Variants in VAV3 observed in about 807,000 individuals in gnomAD.
VAV3 encodes the protein guanine nucleotide exchange factor VAV3.
Under a neutral mutation model 131.2 loss-of-function variants are expected in VAV3, and 94 were observed. The observed-to-expected ratio is 0.72, with a 90% CI of 0.61 to 0.85. The LOEUF (loss-of-function observed/expected upper bound fraction) is 0.85, where lower values mean the gene tolerates loss of function less well. VAV3 is among the 40% of genes least tolerant of loss of function. VAV3 has a pLI of 0.00. For missense variants in VAV3, 939 were observed against 1,002.7 expected, an observed-to-expected ratio of 0.94 and a Z score of 0.86; for synonymous variants, 349 against 342.0, an observed-to-expected ratio of 1.02 and a Z score of -0.22.
chr1:107,625,211 C>T (rs4244131), intron 20 of VAV3, among the ~76,000 whole-genome samples: 1 of 151,554 alleles, frequency 6.6e-6, no homozygotes, highest in African/African-American at 2.4e-5. Context: ...AACATTTGAT[C>T]CACAAATTCT....
chr1:107,919,841 A>G (rs1246186273), intron 1 of VAV3, among the ~76,000 whole-genome samples: 1 of 152,116 alleles, frequency 6.6e-6, no homozygotes, highest in Non-Finnish European at 1.5e-5. Flanking sequence ...TTAATTAAAG[A>G]AAAGAATCAA....
intron 1 of VAV3, 167 bp downstream of exon 1, chr1:107,964,499 G>A (rs778355141): frequency 1.5e-6 from 1 of 680,438 alleles, no homozygotes; most frequent in African/African-American, 1.8e-5. Flanking sequence ...ACCATTTCAA[G>A]CCAAGGTAGG....
chr1:107,904,812 T>G (rs1672025125), intron 1 of VAV3, among the ~76,000 whole-genome samples: 1 of 151,674 alleles, frequency 6.6e-6, no homozygotes, highest in East Asian at 1.9e-4. Context: ...AGGCACACAA[T>G]AATGAACTTA....
At chr1:107,892,050 A>G (rs142404663) in intron 1 of VAV3, among the ~76,000 whole-genome samples, 89 of 152,274 alleles carry the variant, frequency 5.8e-4, no homozygotes, top group African/African-American at 1.9e-3. Flanking sequence ...ATAAGCTTTC[A>G]CTAAATATTA....
At chr1:107,924,046 A>G (rs776030039) in intron 1 of VAV3, among the ~76,000 whole-genome samples, 1 of 152,170 alleles carries the variant, frequency 6.6e-6, no homozygotes. Context: ...CAACCAAAAC[A>G]GTACTGTTTT....
chr1:107,631,146 A>C (rs1360179882), intron 20 of VAV3, among the ~76,000 whole-genome samples: 1 of 152,146 alleles, frequency 6.6e-6, no homozygotes, highest in East Asian at 1.9e-4. Flanking sequence ...AAAGTATTGT[A>C]ACACCTATTT....
intron 12 of VAV3, among the ~76,000 whole-genome samples, chr1:107,753,527 C>CATATATAT (rs752202122): frequency 6.3e-5 from 6 of 94,752 alleles, no homozygotes; most frequent in South Asian, 3.0e-4. Context: ...TATATATATA[C>CATATATAT]GTATATATAT....
chr1:107,757,454 G>T, intron 10 of VAV3, 125 bp from the exon 11 acceptor site: 1 of 814,474 alleles, frequency 1.2e-6, no homozygotes, highest in Non-Finnish European at 1.8e-6. Flanking sequence ...AATCTAATAT[G>T]TCTGGGCTCC....
At chr1:107,784,390 T>C (rs959568741) in intron 2 of VAV3, among the ~76,000 whole-genome samples, 5 of 152,220 alleles carry the variant, frequency 3.3e-5, no homozygotes, top group African/African-American at 9.6e-5. Context: ...AGCCATTCTC[T>C]TGTCAATGAG....
intron 24 of VAV3, among the ~76,000 whole-genome samples, chr1:107,597,926 C>T (rs1395022122): frequency 1.3e-5 from 2 of 152,136 alleles, no homozygotes; most frequent in Non-Finnish European, 2.9e-5. Context: ...ATGAAATGGG[C>T]CTTATTCCCA....
chr1:107,704,153 T>C (rs1193093474), intron 17 of VAV3, among the ~76,000 whole-genome samples: 1 of 152,190 alleles, frequency 6.6e-6, no homozygotes, highest in African/African-American at 2.4e-5. Context: ...GCTAAATATT[T>C]AAAAGAATAA....
At chr1:107,729,769 G>C (rs1260937656) in intron 15 of VAV3, among the ~76,000 whole-genome samples, 2 of 152,154 alleles carry the variant, frequency 1.3e-5, no homozygotes, top group Non-Finnish European at 2.9e-5. Context: ...TATCTCATTG[G>C]ACTGATACAA....
rs118084675 is a variant in VAV3 at position 107,793,475 on chromosome 1, T to C, written c.322-13983A>G. Among the ~76,000 whole-genome samples, 917 of 152,168 alleles carry C rather than the reference T, an allele frequency of 6.0e-3. 4 individuals carry two copies. The highest frequency in any genetic ancestry group is 0.016 in the East Asian group (81 of 5,180). ...GCACAGGTTCCATGAGAGGAGGGAG[T>C]GTGTCGGCCTTATTCACTGCAGTAT... On this transcript the variant is annotated intron_variant, in intron 2 of 26. Coordinates refer to ENST00000370056, the MANE Select transcript of VAV3 (RefSeq NM_006113.5).
chr1:107,817,463 A>T (rs886960552), intron 2 of VAV3, among the ~76,000 whole-genome samples: 1 of 152,182 alleles, frequency 6.6e-6, no homozygotes, highest in Admixed American at 6.5e-5. Flanking sequence ...GATTATAAAA[A>T]ATCTTCCAGG....
intron 19 of VAV3, among the ~76,000 whole-genome samples, chr1:107,663,354 G>T (rs1657169098): frequency 6.6e-6 from 1 of 151,996 alleles, no homozygotes; most frequent in Non-Finnish European, 1.5e-5. Flanking sequence ...AAGTATTTCT[G>T]GTCCAAATAT....
chr1:107,832,588 A>T (rs188944123), intron 2 of VAV3, among the ~76,000 whole-genome samples: 1 of 152,294 alleles, frequency 6.6e-6, no homozygotes, highest in Admixed American at 6.5e-5. Flanking sequence ...CCAAATTACT[A>T]AAGCTTATTT....
chr1:107,666,434 T>C (rs1657413328), intron 19 of VAV3, among the ~76,000 whole-genome samples: 1 of 152,206 alleles, frequency 6.6e-6, no homozygotes, highest in African/African-American at 2.4e-5. Flanking sequence ...AGGACTGTGA[T>C]GGCCATTAAC....
Position 107,888,872 on chromosome 1 carries a change from C to T in VAV3, c.205-13855G>A, listed in dbSNP as rs75308083. On this transcript the variant is annotated intron_variant, in intron 1 of 26. Transcript: ENST00000370056. Reference sequence around the variant, plus strand: ...TTTCTACCTAATTGATATTCTTTCTCGGCACGCACACTCCTCTGAATTTAG... The same window carrying T: ...TTTCTACCTAATTGATATTCTTTCTTGGCACGCACACTCCTCTGAATTTAG... Among the ~76,000 whole-genome samples the T allele has an allele frequency of 8.6e-3, 1,307 of 152,152 alleles. 16 individuals are homozygous for T. Among genetic ancestry groups the T allele is most frequent in the African/African-American group, 0.03 (1,248 of 41,480 alleles).
intron 17 of VAV3, among the ~76,000 whole-genome samples, chr1:107,701,078 T>C (rs952754190): frequency 6.6e-6 from 1 of 152,062 alleles, no homozygotes; most frequent in African/African-American, 2.4e-5. Flanking sequence ...TTTTCATATA[T>C]GTGTTAGCTG....
Sources: allele counts gnomAD v4.1 joint callset (sites outside exome capture counted in the v4.1 genomes callset), GRCh38; gene constraint gnomAD v4.1.1; transcripts MANE v1.5; gene names NCBI Gene and HGNC (gene_info 2026-07-23, HGNC 2026-07-21).